The following ADI1 variants were observed in gnomAD, a reference collection of about 807,000 sequenced individuals.
The protein encoded by ADI1 is acireductone dioxygenase.
In ADI1, 21 loss-of-function variants were observed where a neutral mutation model predicts 18.7. That is an observed-to-expected ratio of 1.13 (90% CI 0.80 to 1.62). ADI1 has a LOEUF of 1.62. Ranked by LOEUF, ADI1 falls within the 40% of genes most tolerant of loss-of-function variation. ADI1 has a pLI of 0.00. For synonymous variants in ADI1, 90 were observed against 100.1 expected (o/e 0.90, Z 0.60); for missense variants, 245 against 254.9 (o/e 0.96, Z 0.26).
At chr2:3,512,600 T>G (rs1428209426) in intron 2 of ADI1, among the ~76,000 whole-genome samples, 1 of 152,192 alleles carries the variant, frequency 6.6e-6, no homozygotes, top group African/African-American at 2.4e-5. Flanking sequence ...AGCCTGTGAG[T>G]GCACAGAGTG....
rs749117827 is a variant in ADI1 at position 3,500,915 on chromosome 2, C to T, written c.319G>A (p.Val107Met). Residue 107 changes from valine to methionine, a missense_variant, in exon 3 of 4, where the codon GTG becomes ATG. By Grantham distance (21) the Val-to-Met change is conservative. Transcript: ENST00000327435. ...ATCCACTGGTCCTCCTTGTCCCTCA[C>T]ATCGAAGTACCCACTGCCATCCAGG... ...YILDGSGYFDVRDKEDQWIRI... is the reference protein window; with the variant it reads ...YILDGSGYFDMRDKEDQWIRI... The T allele has an allele frequency of 1.6e-5, 26 of 1,614,082 alleles. No homozygotes were observed. The South Asian group carries it at 1.6e-4, about 10-fold the overall frequency.
chr2:3,498,177 G>A lies in ADI1; in HGVS notation c.*786C>T, dbSNP rs1167903477. On this transcript the variant is annotated 3_prime_UTR_variant, in exon 4 of 4. Coordinates refer to ENST00000327435, the MANE Select transcript of ADI1 (RefSeq NM_018269.4). The stretch of plus-strand genomic sequence containing the variant: ...ACGACCTGCCCTTCCAAAACATGAA[G>A]TTAACTTGGAGTTTTTCTGTGATAT... 6.6e-6 allele frequency: 1 copy of A among 152,158 alleles called. No individual in the cohort carries two copies. Among genetic ancestry groups the A allele is most frequent in the Non-Finnish European group, 1.5e-5 (1 of 68,034 alleles). The allele number at this position is 152,158 out of a possible 1,614,324, so 9.4% of individuals were successfully genotyped here. A position where few individuals can be genotyped will look rare whatever the true frequency, so the allele number is the denominator to read the frequency against.
chr2:3,501,020 G>C (rs756985338), intron 2 of ADI1, 27 bp from the exon 3 acceptor site: 9 of 1,552,630 alleles, frequency 5.8e-6, no homozygotes, highest in Non-Finnish European at 7.8e-6. Context: ...ATTCCTGTGA[G>C]TCTACCAGAG....
At chr2:3,510,395 G>T (rs1470698823) in intron 2 of ADI1, among the ~76,000 whole-genome samples, 1 of 151,702 alleles carries the variant, frequency 6.6e-6, no homozygotes, top group Non-Finnish European at 1.5e-5. Context: ...TTCCAACTAG[G>T]GAACTTAGAA....
chr2:3,508,331 T>C (rs2070182380), intron 2 of ADI1, among the ~76,000 whole-genome samples: 1 of 49,404 alleles, frequency 2.0e-5, no homozygotes, highest in Non-Finnish European at 3.5e-5. Context: ...TGAGACTCTG[T>C]CTCAAAAAAA....
At chr2:3,509,463 T>C (rs959603245) in intron 2 of ADI1, among the ~76,000 whole-genome samples, 17 of 151,938 alleles carry the variant, frequency 1.1e-4, no homozygotes, top group Admixed American at 7.2e-4. Context: ...AAGACTCAAA[T>C]TATACAAAGT....
chr2:3,507,958 T>C (rs1667211000), intron 2 of ADI1, among the ~76,000 whole-genome samples: 1 of 152,018 alleles, frequency 6.6e-6, no homozygotes. Flanking sequence ...TTTTTTTTAA[T>C]GATAAGCTAA....
chr2:3,514,670 C>T (rs778717251), intron 1 of ADI1: 123 of 1,128,706 alleles, frequency 1.1e-4, no homozygotes, highest in Non-Finnish European at 1.5e-4. Flanking sequence ...TTCAGTTTTA[C>T]TGTTCCTTCC....
Position 3,516,032 on chromosome 2 carries a change from A to G in ADI1, c.121-2056T>C, listed in dbSNP as rs895495855. 5.1e-6 allele frequency: 5 copies of G among 983,816 alleles called. No homozygotes were observed. In the South Asian group the frequency reaches 1.9e-4, roughly 37 times the overall value. The allele number at this position is 983,816 out of a possible 1,614,324, so 60.9% of individuals were successfully genotyped here. ...TCTGAATGTGTCCATATTATGACAC[A>G]TAATATGTAATATGACACATTATAT... is the stretch of plus-strand genomic sequence containing the variant. On this transcript the variant is annotated intron_variant, in intron 1 of 3. Coordinates refer to ENST00000327435, the MANE Select transcript of ADI1 (RefSeq NM_018269.4).
rs148201325 is a variant in ADI1, at chr2:3,513,444, G to A, written c.240+413C>T. Among the ~76,000 whole-genome samples the A allele has an allele frequency of 4.8e-3, 731 of 152,276 alleles. 5 individuals are homozygous for A. Among genetic ancestry groups the A allele is most frequent in the African/African-American group, 0.016 (682 of 41,558 alleles). ...GGTGGGAGGTGACTGGATCATGAGGGTGGATTTCTCATGAATAGCTTAGCA... is the reference window on the plus strand; with the variant it reads ...GGTGGGAGGTGACTGGATCATGAGGATGGATTTCTCATGAATAGCTTAGCA... On this transcript the variant is annotated intron_variant, in intron 2 of 3. Coordinates refer to ENST00000327435, the MANE Select transcript of ADI1 (RefSeq NM_018269.4).
At chr2:3,514,040 T>C (rs1032467680) in intron 1 of ADI1, 64 bp from the exon 2 acceptor site, 5 of 1,521,504 alleles carry the variant, frequency 3.3e-6, no homozygotes, top group Non-Finnish European at 4.4e-6. Context: ...AAACATTCTC[T>C]TTCTGGATCT....
intron 2 of ADI1, among the ~76,000 whole-genome samples, chr2:3,508,283 C>G (rs1326160180): frequency 2.5e-5 from 3 of 122,086 alleles, no homozygotes; most frequent in Non-Finnish European, 3.2e-5. Context: ...TGCAGTGAGC[C>G]AAGATCGTGC....
chr2:3,499,034 C>T lies in ADI1; in HGVS notation c.469G>A (p.Ala157Thr). The change falls in exon 4 of 4, where the codon GCG becomes ACG. Residue 157 changes from alanine to threonine, a missense_variant. Transcript: ENST00000327435. ...AAATGGTCAGCGGGCCGGTTGTACG[C>T]TGTCCACACCGGTTCTCCCACAAAC... ...RLFVGEPVWT[A>T]YNRPADHFEA... 6.2e-7 allele frequency: 1 copy of T among 1,614,138 alleles called. No individual in the cohort carries two copies. The highest frequency in any genetic ancestry group is 1.6e-4 in the Middle Eastern group (1 of 6,062).
chr2:3,516,905 G>T, intron 1 of ADI1: 1 of 978,676 alleles, frequency 1.0e-6, no homozygotes, highest in Non-Finnish European at 1.2e-6. Flanking sequence ...GGGTGTGTGT[G>T]TGGCTTTTTT....
chr2:3,513,473 T>C (rs1278409311), intron 2 of ADI1, among the ~76,000 whole-genome samples: 1 of 152,196 alleles, frequency 6.6e-6, no homozygotes, highest in Non-Finnish European at 1.5e-5. Flanking sequence ...CTTAGCACTA[T>C]CTTCTTGGTG....
At chr2:3,513,058 C>T (rs1667324652) in intron 2 of ADI1, among the ~76,000 whole-genome samples, 3 of 152,236 alleles carry the variant, frequency 2.0e-5, no homozygotes, top group Non-Finnish European at 4.4e-5. Flanking sequence ...GAGTTTTGAA[C>T]TTTCATGGGT....
Position 3,503,441 on chromosome 2 carries a change from A to G in ADI1, c.241-2448T>C, listed in dbSNP as rs1010659634. Among the ~76,000 whole-genome samples, 25 of 151,658 alleles carry G rather than the reference A, an allele frequency of 1.6e-4. 8 individuals are homozygous for G. The highest frequency in any genetic ancestry group is 2.4e-4 in the Non-Finnish European group (16 of 67,926). ...TACACACACGAGTGCATTCACACTCATGCACACATACGGACGTACACTCAC... is the reference window on the plus strand; with the variant it reads ...TACACACACGAGTGCATTCACACTCGTGCACACATACGGACGTACACTCAC... On this transcript the variant is annotated intron_variant, in intron 2 of 3. Coordinates refer to ENST00000327435, the MANE Select transcript of ADI1 (RefSeq NM_018269.4).
chr2:3,519,228 A>G, intron 1 of ADI1, 140 bp downstream of exon 1: 1 of 1,225,978 alleles, frequency 8.2e-7, no homozygotes, highest in Non-Finnish European at 1.0e-6. Context: ...GCCGCCACGA[A>G]CCCCCAAATC....
intron 2 of ADI1, among the ~76,000 whole-genome samples, chr2:3,511,063 T>C (rs1667285311): frequency 6.6e-6 from 1 of 152,222 alleles, no homozygotes; most frequent in Admixed American, 6.5e-5. Flanking sequence ...GGTGACTGGA[T>C]CACGGGAATG....
Sources: allele counts gnomAD v4.1 joint callset (sites outside exome capture counted in the v4.1 genomes callset), GRCh38; gene constraint gnomAD v4.1.1; transcripts MANE v1.5; gene names NCBI Gene and HGNC (gene_info 2026-07-23, HGNC 2026-07-21).